AP1S1: variants seen among roughly 807,000 people sequenced by gnomAD.
The protein encoded by AP1S1 is adaptor related protein complex 1 subunit sigma 1.
In AP1S1, 13 loss-of-function variants were observed where a neutral mutation model predicts 23.9. The ratio of observed to expected loss-of-function variants is 0.54; its 90% confidence interval spans 0.35 to 0.86. AP1S1 has a LOEUF of 0.86. Ranked by LOEUF, AP1S1 falls within the 40% of genes least tolerant of loss-of-function variation. The pLI, the probability that AP1S1 is intolerant of heterozygous loss-of-function variation, is 0.01. For missense variants in AP1S1, 119 were observed against 197.6 expected, an observed-to-expected ratio of 0.60 and a Z score of 2.38; for synonymous variants, 84 against 77.7, an observed-to-expected ratio of 1.08 and a Z score of -0.43.
At chr7:101,157,593 G>A in intron 3 of AP1S1, 108 bp downstream of exon 3, 1 of 830,402 alleles carries the variant, frequency 1.2e-6, no homozygotes, top group East Asian at 2.7e-5. Flanking sequence ...GGGGAGAGGT[G>A]AAGTTGGAGC....
Position 101,156,592 on chromosome 7 carries a change from A to G in AP1S1, c.4-2A>G. 1.2e-6 allele frequency: 2 copies of G among 1,610,552 alleles called. No individual in the cohort carries two copies. Among genetic ancestry groups the G allele is most frequent in the Non-Finnish European group, 1.7e-6 (2 of 1,178,230 alleles). ...TCGGTTCTGCCCTCCCATCCCCCAC[A>G]GATGCGGTTCATGCTATTATTCAGC... On this transcript the variant is annotated splice_acceptor_variant, in intron 1 of 4. Coordinates refer to ENST00000337619, the MANE Select transcript of AP1S1 (RefSeq NM_001283.5). LOFTEE classifies it high-confidence loss of function.
At chr7:101,154,969 G>C (rs1184168088) in intron 1 of AP1S1, 5 of 1,018,508 alleles carry the variant, frequency 4.9e-6, no homozygotes, top group Non-Finnish European at 5.9e-6. Flanking sequence ...GAGTTTCCGG[G>C]TCGGAAAAGG....
At chr7:101,156,092 C>T (rs1217107898) in intron 1 of AP1S1, among the ~76,000 whole-genome samples, 1 of 152,012 alleles carries the variant, frequency 6.6e-6, no homozygotes, top group South Asian at 2.1e-4. Context: ...ATTAGCCGGG[C>T]GTGATGGCAC....
At chr7:101,159,947 T>G (rs1398905143) in intron 4 of AP1S1, among the ~76,000 whole-genome samples, 1 of 138,280 alleles carries the variant, frequency 7.2e-6, no homozygotes. Flanking sequence ...CTGGTCGAGC[T>G]TCACCTTCCC....
chr7:101,157,362 C>T lies in AP1S1; in HGVS notation c.183-15C>T, dbSNP rs762082176. ...AGCAAGCTTGTAGCGATGTCTCATGCGCTCCTCTCCGCAGATATGCCAGCC... is the reference window on the plus strand; with the variant it reads ...AGCAAGCTTGTAGCGATGTCTCATGTGCTCCTCTCCGCAGATATGCCAGCC... On this transcript the variant is annotated splice_polypyrimidine_tract_variant and intron_variant, in intron 2 of 4. Transcript: ENST00000337619. 4.2e-5 allele frequency: 65 copies of T among 1,545,506 alleles called. No individual in the cohort carries two copies. The highest frequency in any genetic ancestry group is 1.8e-4 in the Middle Eastern group (1 of 5,628).
In AP1S1 at chr7:101,154,483, G is replaced by C. The variant is rs767698307; in HGVS notation, c.-32G>C. On this transcript the variant is annotated 5_prime_UTR_variant, in exon 1 of 5. Transcript: ENST00000337619. ...AGTGGGACTGGCGCCTACGGTGGCCGAAGTGGGACGCGCCGAGCCGGAGGC... is the reference window on the plus strand; with the variant it reads ...AGTGGGACTGGCGCCTACGGTGGCCCAAGTGGGACGCGCCGAGCCGGAGGC... 1 of 1,570,594 alleles carries C rather than the reference G, an allele frequency of 6.4e-7. No individual in the cohort carries two copies. The highest frequency in any genetic ancestry group is 8.6e-7 in the Non-Finnish European group (1 of 1,158,740).
chr7:101,156,234 A>AAAT (rs1009452571), intron 1 of AP1S1, among the ~76,000 whole-genome samples: 8 of 152,150 alleles, frequency 5.3e-5, no homozygotes, highest in Non-Finnish European at 1.0e-4. Flanking sequence ...TCTGTCTCAA[A>AAAT]AATAATAATA....
chr7:101,158,916 C>A, intron 3 of AP1S1, 143 bp from the exon 4 acceptor site: 1 of 1,132,286 alleles, frequency 8.8e-7, no homozygotes, highest in South Asian at 1.6e-5. Flanking sequence ...AACAAAATAA[C>A]GAAACAAAAA....
rs1361716003 is a variant in AP1S1 at position 101,154,567 on chromosome 7, C to T, written c.3+50C>T. On this transcript the variant is annotated intron_variant, in intron 1 of 4. Transcript: ENST00000337619. ...AGGGGGAAGCGAGGGGCGTGGGCTG[C>T]ACCTGCGGGGGTCCTCGGGGGCCGC... The T allele has an allele frequency of 3.2e-6, 5 of 1,546,238 alleles. No individual in the cohort carries two copies. The Admixed American group carries it at 7.8e-5, about 24-fold the overall frequency.
At chr7:101,160,373 T>G in intron 4 of AP1S1, 146 bp from the exon 5 acceptor site, 1 of 970,008 alleles carries the variant, frequency 1.0e-6, no homozygotes, top group Non-Finnish European at 1.6e-6. Flanking sequence ...GGCTCACTGG[T>G]CCGGCCTTGG....
chr7:101,155,087 G>A lies in AP1S1; in HGVS notation c.3+570G>A, dbSNP rs998673481. The A allele has an allele frequency of 9.6e-6, 9 of 938,180 alleles. No individual in the cohort carries two copies. In the African/African-American group the frequency reaches 1.6e-4, roughly 17 times the overall value. 58.1% of individuals were successfully genotyped at this position (938,180 alleles called of 1,614,324 possible). A position where few individuals can be genotyped will look rare whatever the true frequency, so the allele number is the denominator to read the frequency against. On this transcript the variant is annotated intron_variant, in intron 1 of 4. Transcript: ENST00000337619. ...CGAGGGACCCAGGCTTTGGGATCCC[G>A]GGCTCCGGGGCTCTCTGCCCCCCTT...
At chr7:101,157,982 G>T (rs1023749835) in intron 3 of AP1S1, among the ~76,000 whole-genome samples, 5 of 151,852 alleles carry the variant, frequency 3.3e-5, no homozygotes, top group African/African-American at 9.7e-5. Flanking sequence ...AAGAGATGAG[G>T]TCTTGCTATG....
chr7:101,157,333 C>T (rs1797007872), intron 2 of AP1S1, 44 bp from the exon 3 acceptor site: 1 of 1,491,082 alleles, frequency 6.7e-7, no homozygotes, highest in Non-Finnish European at 9.1e-7. Context: ...TGCCTGGGTC[C>T]TGAAGCAAGC....
Position 101,157,389 on chromosome 7 carries a change from C to A in AP1S1, c.195C>A (p.Leu65=). The A allele has an allele frequency of 6.4e-7, 1 of 1,574,740 alleles. No homozygotes were observed. Among genetic ancestry groups the A allele is most frequent in the Non-Finnish European group, 8.6e-7 (1 of 1,160,122 alleles). Residue 65 remains leucine (L), a synonymous_variant, in exon 3 of 5, where the codon CTC becomes CTA. Transcript: ENST00000337619. ...LKVVYKRYAS[L]YFCCAIEGQD... ...CTCCTCTCCGCAGATATGCCAGCCT[C>A]TACTTCTGCTGCGCCATCGAGGGCC...
intron 4 of AP1S1, among the ~76,000 whole-genome samples, chr7:101,159,851 T>G (rs374044778): frequency 6.6e-6 from 1 of 151,706 alleles, no homozygotes; most frequent in Non-Finnish European, 1.5e-5. Context: ...CGGCCTGAGC[T>G]GGCTCTGAGG....
At chr7:101,159,306 C>T (rs998232840) in intron 4 of AP1S1, 110 bp downstream of exon 4, 4 of 1,469,126 alleles carry the variant, frequency 2.7e-6, no homozygotes, top group Admixed American at 2.3e-5. Flanking sequence ...GGAGCCCCCC[C>T]TCCCTGTGGT....
At chr7:101,159,986 G>GCACACACACACACCCTGGCGCACA (rs1797066315) in intron 4 of AP1S1, among the ~76,000 whole-genome samples, 1 of 144,394 alleles carries the variant, frequency 6.9e-6, no homozygotes, top group Non-Finnish European at 1.5e-5. Context: ...ACCCTGGCGC[G>GCACACACACACACCCTGGCGCACA]CACACACACA....
rs1488490990 is a variant in AP1S1, at chr7:101,154,506, G to C, written c.-9G>C. The C allele has an allele frequency of 6.4e-7, 1 of 1,574,120 alleles. No homozygotes were observed. The highest frequency in any genetic ancestry group is 8.6e-7 in the Non-Finnish European group (1 of 1,160,460). On this transcript the variant is annotated 5_prime_UTR_variant, in exon 1 of 5. Coordinates refer to ENST00000337619, the MANE Select transcript of AP1S1 (RefSeq NM_001283.5). ...CCGAAGTGGGACGCGCCGAGCCGGAGGCTGCAGGATGGTAGGCTGTGCGAA... is the reference window on the plus strand; with the variant it reads ...CCGAAGTGGGACGCGCCGAGCCGGACGCTGCAGGATGGTAGGCTGTGCGAA...
rs747921658 is a variant in AP1S1, at chr7:101,160,734, C to T, written c.*168C>T. The T allele has an allele frequency of 1.0e-5, 8 of 796,006 alleles. No homozygotes were observed. The highest frequency in any genetic ancestry group is 1.9e-5 in the Admixed American group (1 of 51,996). 49.3% of individuals were successfully genotyped at this position (796,006 alleles called of 1,614,324 possible). A position where few individuals can be genotyped will look rare whatever the true frequency, so the allele number is the denominator to read the frequency against. ...AGGCCCTTCAAACATTCCCTCCCTC[C>T]ACCCCCTACCTCCACTTTCCCCTTT... On this transcript the variant is annotated 3_prime_UTR_variant, in exon 5 of 5. Coordinates refer to ENST00000337619, the MANE Select transcript of AP1S1 (RefSeq NM_001283.5).
Sources: allele counts gnomAD v4.1 joint callset (sites outside exome capture counted in the v4.1 genomes callset), GRCh38; gene constraint gnomAD v4.1.1; transcripts MANE v1.5; gene names NCBI Gene and HGNC (gene_info 2026-07-23, HGNC 2026-07-21).